Variants in TDRD12 observed in about 807,000 individuals in gnomAD.
The protein encoded by TDRD12 is putative ATP-dependent RNA helicase TDRD12.
TDRD12 carries 158 observed loss-of-function variants against 133.5 expected under a neutral mutation model. That is an observed-to-expected ratio of 1.18 (90% CI 1.04 to 1.35). TDRD12 has a LOEUF of 1.35. TDRD12 is among the 40% of genes most tolerant of loss of function. The pLI is 0.00. For synonymous variants in TDRD12, 460 were observed against 477.9 expected, an observed-to-expected ratio of 0.96 and a Z score of 0.49; for missense variants, 1,443 against 1,321.3, an observed-to-expected ratio of 1.09 and a Z score of -1.43.
intron 4 of TDRD12, among the ~76,000 whole-genome samples, chr19:32,746,274 C>G: frequency 1.7e-5 from 2 of 116,140 alleles, no homozygotes; most frequent in African/African-American, 3.4e-5. Flanking sequence ...GAGAGAGAGT[C>G]TGGCTGATGT....
At chr19:32,771,494 C>A (rs1294204772) in intron 8 of TDRD12, among the ~76,000 whole-genome samples, 1 of 151,800 alleles carries the variant, frequency 6.6e-6, no homozygotes, top group Non-Finnish European at 1.5e-5. Flanking sequence ...TCTTTTATTT[C>A]TTGGATATTT....
At chr19:32,799,971 T>C (rs1207854170) in intron 16 of TDRD12, among the ~76,000 whole-genome samples, 196 bp from the exon 17 acceptor site, 1 of 151,888 alleles carries the variant, frequency 6.6e-6, no homozygotes, top group African/African-American at 2.4e-5. Flanking sequence ...CCTGACCTCA[T>C]GATCCGCCTG....
intron 14 of TDRD12, chr19:32,796,339 A>G (rs1013109275): frequency 2.5e-5 from 6 of 235,900 alleles, no homozygotes; most frequent in Non-Finnish European, 4.1e-5. Flanking sequence ...CCTGTAATCC[A>G]GCACTTTGGG....
chr19:32,791,945 TAAA>T (rs33969319), intron 13 of TDRD12, among the ~76,000 whole-genome samples: 13 of 143,100 alleles, frequency 9.1e-5, no homozygotes, highest in East Asian at 4.0e-4. Context: ...GCCTTCACCT[TAAA>T]AAAAAAAAAA....
chr19:32,803,745 G>A lies in TDRD12; in HGVS notation c.2552+603G>A, dbSNP rs890402582. 7.9e-5 allele frequency among the ~76,000 whole-genome samples: 12 copies of A among 152,170 alleles called. No individual in the cohort carries two copies. In the South Asian group the frequency reaches 1.0e-3, roughly 13 times the overall value. The stretch of plus-strand genomic sequence containing the variant: ...TGAGTTGTCCCCAACCCTCACCAGC[G>A]CTTAGTGTTGGTGGAGGTGGAGTGG... On this transcript the variant is annotated intron_variant, in intron 21 of 27. Coordinates refer to ENST00000444215, the Ensembl canonical transcript of TDRD12.
exon 23 of TDRD12, chr19:32,810,190 A>C (rs772410400): frequency 6.5e-7 from 1 of 1,536,038 alleles, no homozygotes; most frequent in Non-Finnish European, 8.7e-7. Flanking sequence ...GAAATGAATG[A>C]GTATTTTAAG....
rs183599573 is a variant in TDRD12 at position 32,802,841 on chromosome 19, T to C, written c.2331+52T>C. On this transcript the variant is annotated intron_variant, in intron 20 of 27. Transcript: ENST00000444215. The stretch of plus-strand genomic sequence containing the variant: ...TATTCCACTGGCATCTTCTGTGTCA[T>C]GATAAGCTCAGAGTCCACAAGGTTT... 3.3e-5 allele frequency: 51 copies of C among 1,533,750 alleles called. No individual in the cohort carries two copies. In the African/African-American group the frequency reaches 6.4e-4, roughly 19 times the overall value.
rs78000434 is a variant in TDRD12 at position 32,778,079 on chromosome 19, C to T, written c.1121+850C>T. ...TACATTCCAAGTAACTGTAGCTGCC[C>T]TGGAGCTCCCAGAGTGACAAAGTGT... On this transcript the variant is annotated intron_variant, in intron 11 of 27. Transcript: ENST00000444215. 1.9e-4 allele frequency among the ~76,000 whole-genome samples: 29 copies of T among 151,634 alleles called. No individual in the cohort carries two copies. The East Asian group carries it at 2.5e-3, about 13-fold the overall frequency.
exon 10 of TDRD12, chr19:32,828,430 T>A (rs1967658156): frequency 6.6e-6 from 1 of 152,302 alleles, no homozygotes; most frequent in Non-Finnish European, 1.5e-5. Flanking sequence ...TATGTAGTCA[T>A]GGCCACACCC....
At chr19:32,786,216 TG>T (rs1374098377) in intron 11 of TDRD12, among the ~76,000 whole-genome samples, 1 of 152,216 alleles carries the variant, frequency 6.6e-6, no homozygotes, top group East Asian at 1.9e-4. Flanking sequence ...TATGAAATTC[TG>T]GGTTGAAAAT....
intron 1 of TDRD12, among the ~76,000 whole-genome samples, chr19:32,731,144 C>T (rs1180066104): frequency 6.6e-6 from 1 of 152,154 alleles, no homozygotes; most frequent in Non-Finnish European, 1.5e-5. Context: ...GTCCCTTCTC[C>T]ATTTCTCTCC....
intron 24 of TDRD12, among the ~76,000 whole-genome samples, chr19:32,811,758 C>G (rs145752511): frequency 6.6e-5 from 10 of 152,272 alleles, no homozygotes; most frequent in African/African-American, 2.2e-4. Context: ...AATCTCAACA[C>G]TTTGGGAAGC....
At position 32,760,726 on chromosome 19, in the gene TDRD12, G is replaced by C. The variant is rs750004591; in HGVS notation, c.865+3596G>C. 9.7e-4 allele frequency among the ~76,000 whole-genome samples: 147 copies of C among 152,140 alleles called. 1 individual carries two copies. The highest frequency in any genetic ancestry group is 1.5e-3 in the Non-Finnish European group (100 of 68,020). ...CTAACCCACATTCATTCATTCATCAGATATTTATGACGCCCTCACTGTCAG... is the reference window on the plus strand; with the variant it reads ...CTAACCCACATTCATTCATTCATCACATATTTATGACGCCCTCACTGTCAG... On this transcript the variant is annotated intron_variant, in intron 8 of 27. Coordinates refer to ENST00000444215, the Ensembl canonical transcript of TDRD12.
intron 8 of TDRD12, among the ~76,000 whole-genome samples, chr19:32,758,272 G>A (rs925638379): frequency 6.6e-6 from 1 of 152,154 alleles, no homozygotes; most frequent in Admixed American, 6.5e-5. Context: ...GTCCGGGCTG[G>A]CACTTTTTAT....
At chr19:32,744,208 T>C (rs1969521637) in intron 4 of TDRD12, among the ~76,000 whole-genome samples, 1 of 151,654 alleles carries the variant, frequency 6.6e-6, no homozygotes, top group South Asian at 2.1e-4. Context: ...CGTAAGTATA[T>C]GGATGAATCT....
At chr19:32,753,108 TCTTCA>T (rs1183894536) in intron 6 of TDRD12, among the ~76,000 whole-genome samples, 6 of 152,210 alleles carry the variant, frequency 3.9e-5, no homozygotes. Context: ...ATCAGCCACT[TCTTCA>T]AGCAGCTCTG....
rs563267158 is a variant in TDRD12 at position 32,793,886 on chromosome 19, C to G, written c.1288-742C>G. Among the ~76,000 whole-genome samples the G allele has an allele frequency of 4.0e-5, 6 of 148,920 alleles. No individual in the cohort carries two copies. In the East Asian group the frequency reaches 1.0e-3, roughly 25 times the overall value. On this transcript the variant is annotated intron_variant, in intron 13 of 27. Coordinates refer to ENST00000444215, the Ensembl canonical transcript of TDRD12. ...CTCGGCTCACCACAACCTGTGCCTC[C>G]CGGGTTCAAGTCATTCTCCTGCCTC...
chr19:32,721,094 C>T (rs945931164), intron 1 of TDRD12, among the ~76,000 whole-genome samples: 4 of 152,074 alleles, frequency 2.6e-5, no homozygotes, highest in Admixed American at 2.0e-4. Flanking sequence ...TTCCCTCATG[C>T]CCCCAGTCTC....
intron 11 of TDRD12, among the ~76,000 whole-genome samples, chr19:32,782,010 C>T (rs552677481): frequency 6.6e-6 from 1 of 151,622 alleles, no homozygotes. Flanking sequence ...GTTACATGTG[C>T]GGAATGTGCA....
Sources: allele counts gnomAD v4.1 joint callset (sites outside exome capture counted in the v4.1 genomes callset), GRCh38; gene constraint gnomAD v4.1.1; transcripts MANE v1.5; gene names NCBI Gene and HGNC (gene_info 2026-07-23, HGNC 2026-07-21).